DEPDC4: variants seen among roughly 807,000 people sequenced by gnomAD.
The protein encoded by DEPDC4 is DEP domain-containing protein 4.
Under a neutral mutation model 52.0 loss-of-function variants are expected in DEPDC4, and 52 were observed. That is an observed-to-expected ratio of 1.00 (90% confidence interval 0.80 to 1.26). The LOEUF (loss-of-function observed/expected upper bound fraction) is 1.26, where lower values mean the gene tolerates loss of function less well. Ranked by LOEUF, DEPDC4 falls within the 50% of genes most tolerant of loss-of-function variation. The pLI is 0.00. For synonymous variants in DEPDC4, 201 were observed against 196.8 expected (o/e 1.02, Z -0.18); for missense variants, 530 against 546.9 (o/e 0.97, Z 0.31).
downstream of DEPDC4, among the ~76,000 whole-genome samples, chr12:100,236,021 T>C (rs2096140887): frequency 6.6e-6 from 1 of 152,254 alleles, no homozygotes; most frequent in Non-Finnish European, 1.5e-5. Flanking sequence ...ATGCCCTTAA[T>C]TCATTCCTTT....
chr12:100,275,553 A>C, the DEPDC4 span, among the ~76,000 whole-genome samples: 1 of 152,316 alleles, frequency 6.6e-6, no homozygotes, highest in Non-Finnish European at 1.5e-5. Context: ...TGCCAAACTC[A>C]TGTATTCATT....
intron 3 of DEPDC4, among the ~76,000 whole-genome samples, chr12:100,256,886 C>T (rs928847149): frequency 6.6e-6 from 1 of 151,956 alleles, no homozygotes; most frequent in African/African-American, 2.4e-5. Context: ...AGTGATCCGC[C>T]CGCCTCGGCC....
intron 9 of DEPDC4, among the ~76,000 whole-genome samples, chr12:100,242,050 T>C (rs2096161512): frequency 6.6e-6 from 1 of 152,156 alleles, no homozygotes; most frequent in African/African-American, 2.4e-5. Context: ...ATTTGATCTC[T>C]AAAATAACTA....
At chr12:100,244,093 GTGTATATATATATA>G (rs71088177) in intron 8 of DEPDC4, among the ~76,000 whole-genome samples, 18,103 of 89,292 alleles carry the variant, frequency 0.2, 2,510 homozygotes, top group Non-Finnish European at 0.27. Flanking sequence ...CTCTCTCTCT[GTGTATATATATATA>G]TATATATATA....
the DEPDC4 span, among the ~76,000 whole-genome samples, chr12:100,279,531 T>C: frequency 6.6e-6 from 1 of 152,254 alleles, no homozygotes; most frequent in African/African-American, 2.4e-5. Context: ...TTGTTTAGTA[T>C]CTGAATTTTT....
intron 3 of DEPDC4, among the ~76,000 whole-genome samples, chr12:100,258,441 A>T (rs11110321): frequency 0.065 from 9,962 of 152,130 alleles, 353 homozygotes; most frequent in Middle Eastern, 0.14. Flanking sequence ...CCAATGAAAT[A>T]AAAAAAACTT....
chr12:100,258,463 C>G (rs1211666530), intron 3 of DEPDC4, among the ~76,000 whole-genome samples: 17 of 152,120 alleles, frequency 1.1e-4, no homozygotes, highest in Non-Finnish European at 2.1e-4. Context: ...TAGATTGCAA[C>G]AGCCCAGTAA....
chr12:100,256,329 C>G (rs2096232433), intron 3 of DEPDC4, 103 bp from the exon 4 acceptor site: 4 of 776,712 alleles, frequency 5.1e-6, no homozygotes, highest in Middle Eastern at 3.8e-4. Context: ...AAAAGTAAAA[C>G]TAGTTCAGTA....
downstream of DEPDC4, among the ~76,000 whole-genome samples, chr12:100,238,507 G>GC (rs2096146434): frequency 8.0e-6 from 1 of 125,658 alleles, no homozygotes; most frequent in Non-Finnish European, 1.6e-5. Context: ...CTAGCTTAGT[G>GC]CTTTTTTTTT....
At position 100,266,906 on chromosome 12, in the gene DEPDC4, A is replaced by G. The variant is rs747721184; in HGVS notation, c.157+14T>C. ...CACCTTCACTGCACATTTGGCTAGG[A>G]TATACAGGGCTACCTGTCCTCCTTT... On this transcript the variant is annotated intron_variant, in intron 1 of 9. Transcript: ENST00000550587. The G allele has an allele frequency of 6.2e-7, 1 of 1,611,354 alleles. No individual in the cohort carries two copies. The highest frequency in any genetic ancestry group is 1.7e-5 in the Admixed American group (1 of 59,596).
chr12:100,244,095 G>GTCTATATATATATATA (rs1209030209), intron 8 of DEPDC4, among the ~76,000 whole-genome samples: 1 of 51,626 alleles, frequency 1.9e-5, no homozygotes, highest in African/African-American at 6.1e-5. Context: ...CTCTCTCTGT[G>GTCTATATATATATATA]TATATATATA....
At chr12:100,244,488 T>A (rs1326330296) in intron 8 of DEPDC4, among the ~76,000 whole-genome samples, 5 of 151,856 alleles carry the variant, frequency 3.3e-5, no homozygotes, top group Non-Finnish European at 5.9e-5. Flanking sequence ...GCCTATTTTA[T>A]GTTTGAGACA....
At chr12:100,234,970 A>C (rs558149579) in intron 9 of DEPDC4, among the ~76,000 whole-genome samples, 1 of 152,156 alleles carries the variant, frequency 6.6e-6, no homozygotes, top group Non-Finnish European at 1.5e-5. Context: ...AAAACTATTC[A>C]GTAGAAGTCA....
intron 4 of DEPDC4, 62 bp downstream of exon 4, chr12:100,255,987 T>A: frequency 7.9e-7 from 1 of 1,264,720 alleles, no homozygotes; most frequent in Non-Finnish European, 1.1e-6. Flanking sequence ...CCTAAAATAC[T>A]AAGGGCAAAT....
intron 8 of DEPDC4, among the ~76,000 whole-genome samples, chr12:100,245,044 G>A (rs1244229363): frequency 6.6e-6 from 1 of 151,240 alleles, no homozygotes; most frequent in African/African-American, 2.4e-5. Context: ...GCTAATTTTT[G>A]TATTTTTAGT....
the DEPDC4 span, among the ~76,000 whole-genome samples, chr12:100,275,777 T>C: frequency 6.6e-6 from 1 of 152,204 alleles, no homozygotes; most frequent in East Asian, 1.9e-4. Context: ...GAAAAGTGGT[T>C]AGTATTTTAT....
At chr12:100,250,050 A>G (rs777045217) in intron 7 of DEPDC4, among the ~76,000 whole-genome samples, 8 of 152,228 alleles carry the variant, frequency 5.3e-5, no homozygotes, top group Non-Finnish European at 7.4e-5. Context: ...GAGAGCCCCT[A>G]TCATAAATAT....
chr12:100,276,091 G>A, the DEPDC4 span, among the ~76,000 whole-genome samples: 9 of 152,096 alleles, frequency 5.9e-5, no homozygotes, highest in African/African-American at 2.2e-4. Flanking sequence ...AGGGACATTG[G>A]TTTGCAATTT....
At chr12:100,277,625 A>T in the DEPDC4 span, among the ~76,000 whole-genome samples, 1 of 152,188 alleles carries the variant, frequency 6.6e-6, no homozygotes, top group Non-Finnish European at 1.5e-5. Flanking sequence ...TAAGCAGCAT[A>T]TAGTTAGGTC....
Sources: allele counts gnomAD v4.1 joint callset (sites outside exome capture counted in the v4.1 genomes callset), GRCh38; gene constraint gnomAD v4.1.1; transcripts MANE v1.5; gene names NCBI Gene and HGNC (gene_info 2026-07-23, HGNC 2026-07-21).